Variants in BLTP2 observed in about 807,000 individuals in gnomAD.
The protein encoded by BLTP2 is U937-associated antigen.
At chr17:28,644,115 G>A in the BLTP2 span, 2 of 1,614,222 alleles carry the variant, frequency 1.2e-6, no homozygotes, top group South Asian at 1.1e-5. Flanking sequence ...AAAAAAAGCG[G>A]AAGGAGCCAA....
At chr17:28,640,886 A>T in the BLTP2 span, among the ~76,000 whole-genome samples, 1 of 152,242 alleles carries the variant, frequency 6.6e-6, no homozygotes, top group Non-Finnish European at 1.5e-5. Flanking sequence ...CCTAAAGAGT[A>T]CAAGGAGCAG....
chr17:28,632,896 G>A, the BLTP2 span: 19 of 1,374,318 alleles, frequency 1.4e-5, no homozygotes, highest in South Asian at 1.2e-4. Context: ...ATCCATGCCC[G>A]TCCTCCCAAG....
the BLTP2 span, chr17:28,616,698 A>G: frequency 6.2e-7 from 1 of 1,614,258 alleles, no homozygotes. This position sits in a 1 kb window ranked among gnomAD's most constrained non-coding sequence, Gnocchi z 4.8. Flanking sequence ...GAAAAAGCCC[A>G]TCATTCTGTG....
chr17:28,638,159 G>A, the BLTP2 span: 3 of 1,598,074 alleles, frequency 1.9e-6, no homozygotes, highest in African/African-American at 1.3e-5. Context: ...ATGCCCTAAT[G>A]CACTTCCTGC....
the BLTP2 span, among the ~76,000 whole-genome samples, chr17:28,642,682 TCCCTTTCCTCA>T: frequency 6.6e-6 from 1 of 151,946 alleles, no homozygotes; most frequent in Admixed American, 6.6e-5. Context: ...GAGAACTTGG[TCCCTTTCCTCA>T]CCACTTACCT....
the BLTP2 span, chr17:28,615,739 G>A: frequency 6.2e-7 from 1 of 1,614,142 alleles, no homozygotes; most frequent in Non-Finnish European, 8.5e-7. Context: ...TGTTGTTGTG[G>A]TACTCCAGAC....
At chr17:28,618,501 C>A in the BLTP2 span, among the ~76,000 whole-genome samples, 1 of 152,150 alleles carries the variant, frequency 6.6e-6, no homozygotes. Context: ...CAGGCATGAA[C>A]CACTACACGT....
the BLTP2 span, chr17:28,633,454 T>A: frequency 1.3e-6 from 2 of 1,578,358 alleles, no homozygotes; most frequent in African/African-American, 2.7e-5. Flanking sequence ...ACCATCCTCA[T>A]CTCCCAAATC....
At chr17:28,638,491 G>T in the BLTP2 span, 1 of 1,597,562 alleles carries the variant, frequency 6.3e-7, no homozygotes. Flanking sequence ...CTAACGGACA[G>T]ATTCTTGTTC....
the BLTP2 span, chr17:28,620,917 AACC>A: frequency 7.0e-7 from 1 of 1,425,608 alleles, no homozygotes. Flanking sequence ...ACTGTCTCAA[AACC>A]ACCAAGGAAA....
the BLTP2 span, chr17:28,633,405 T>C: frequency 1.1e-5 from 18 of 1,609,774 alleles, no homozygotes; most frequent in Admixed American, 3.3e-5. Flanking sequence ...ATGGATCCTA[T>C]GACCACCCCC....
At chr17:28,621,471 G>A in the BLTP2 span, 56 of 1,613,974 alleles carry the variant, frequency 3.5e-5, no homozygotes, top group Non-Finnish European at 4.4e-5. Context: ...TCCAGACTAC[G>A]CTGCCGGTGC....
the BLTP2 span, chr17:28,615,672 C>T: frequency 6.2e-7 from 1 of 1,613,944 alleles, no homozygotes; most frequent in South Asian, 1.1e-5. Flanking sequence ...ACCTGGGCAA[C>T]CAGGGCTTTG....
the BLTP2 span, chr17:28,633,618 G>A: frequency 1.2e-6 from 2 of 1,614,030 alleles, no homozygotes; most frequent in Non-Finnish European, 1.7e-6. Flanking sequence ...ACAGAAGACG[G>A]CTCTTGTCCC....
the BLTP2 span, among the ~76,000 whole-genome samples, chr17:28,618,289 T>A: frequency 1.3e-5 from 2 of 151,562 alleles, no homozygotes; most frequent in Admixed American, 6.6e-5. Flanking sequence ...TCTCACTCTG[T>A]TGCCCAGGCT....
the BLTP2 span, chr17:28,634,586 G>A: frequency 6.2e-7 from 1 of 1,614,180 alleles, no homozygotes; most frequent in Non-Finnish European, 8.5e-7. Context: ...CCCTCAGGGG[G>A]AAAAGGGCTG....
chr17:28,643,573 C>G, the BLTP2 span: 1 of 1,595,952 alleles, frequency 6.3e-7, no homozygotes, highest in Admixed American at 1.7e-5. Context: ...CTCCAAAGTA[C>G]TCTTCTAGGG....
chr17:28,642,754 T>C, the BLTP2 span: 414 of 692,090 alleles, frequency 6.0e-4, no homozygotes, highest in Non-Finnish European at 9.5e-4. Flanking sequence ...AAATGTCTAA[T>C]CTTAGCATCT....
the BLTP2 span, chr17:28,628,271 ATGACC>A: frequency 6.2e-7 from 1 of 1,613,810 alleles, no homozygotes; most frequent in Non-Finnish European, 8.5e-7. Flanking sequence ...TTACCTCCTG[ATGACC>A]CCTTATCAGG....
Sources: allele counts gnomAD v4.1 joint callset (sites outside exome capture counted in the v4.1 genomes callset), GRCh38; gene constraint gnomAD v4.1.1; non-coding constraint Gnocchi (gnomAD v3.1); transcripts MANE v1.5; gene names NCBI Gene and HGNC (gene_info 2026-07-23, HGNC 2026-07-21).